Variants in CCDC171 observed in about 807,000 individuals in gnomAD.
CCDC171 encodes coiled-coil domain-containing protein 171.
A neutral mutation model predicts 168.2 loss-of-function variants in CCDC171; 177 were observed. That is an observed-to-expected ratio of 1.05 (90% CI 0.93 to 1.19). The LOEUF (loss-of-function observed/expected upper bound fraction) is 1.19. Ranked by LOEUF, CCDC171 falls within the 50% of genes most tolerant of loss-of-function variation. CCDC171 has a pLI of 0.00. For missense variants in CCDC171, 1,991 were observed against 1,539.0 expected (o/e 1.29, Z -4.91); for synonymous variants, 687 against 540.8 (o/e 1.27, Z -3.75).
intron 24 of CCDC171, 141 bp downstream of exon 24, chr9:15,874,804 T>C (rs923040721): frequency 1.3e-6 from 1 of 789,570 alleles, no homozygotes; most frequent in African/African-American, 1.8e-5. Flanking sequence ...TCTTCTATCA[T>C]GTAACAGTAT....
chr9:15,725,208 A>G (rs1472796186), intron 14 of CCDC171, among the ~76,000 whole-genome samples: 3 of 152,150 alleles, frequency 2.0e-5, no homozygotes, highest in Non-Finnish European at 4.4e-5. Flanking sequence ...GTGTACAACT[A>G]TCTTTTTGGA....
At chr9:15,999,954 C>A (rs1216024008) in intron 3 of CCDC171, among the ~76,000 whole-genome samples, 1 of 152,194 alleles carries the variant, frequency 6.6e-6, no homozygotes, top group Non-Finnish European at 1.5e-5. Context: ...TCCAACTAGC[C>A]ATCCTATGAG....
chr9:15,995,125 A>G (rs1832331253), intron 3 of CCDC171, among the ~76,000 whole-genome samples: 1 of 152,234 alleles, frequency 6.6e-6, no homozygotes, highest in African/African-American at 2.4e-5. Context: ...TGCTGCTAGC[A>G]TGCTATTCAA....
chr9:15,780,214 A>G (rs1323704845), intron 20 of CCDC171, among the ~76,000 whole-genome samples: 1 of 152,070 alleles, frequency 6.6e-6, no homozygotes, highest in African/African-American at 2.4e-5. Context: ...ATCATGAATT[A>G]CTCTTAAGCC....
chr9:15,750,889 C>T (rs1419173766), intron 18 of CCDC171, among the ~76,000 whole-genome samples: 1 of 152,206 alleles, frequency 6.6e-6, no homozygotes, highest in Non-Finnish European at 1.5e-5. Context: ...TGCTCTCTCT[C>T]ACCACTCCTA....
intron 7 of CCDC171, among the ~76,000 whole-genome samples, chr9:15,648,156 A>T (rs1258524750): frequency 6.6e-6 from 1 of 152,250 alleles, no homozygotes; most frequent in Non-Finnish European, 1.5e-5. Context: ...TCACATGATT[A>T]TCTGAATAGA....
intron 1 of CCDC171, among the ~76,000 whole-genome samples, chr9:15,558,992 C>G (rs919063133): frequency 4.6e-5 from 7 of 152,064 alleles, no homozygotes; most frequent in African/African-American, 1.7e-4. Context: ...CGTTATGTAC[C>G]CAGCAGTCAT....
At chr9:15,644,022 A>G in intron 7 of CCDC171, among the ~76,000 whole-genome samples, 1 of 152,200 alleles carries the variant, frequency 6.6e-6, no homozygotes, top group East Asian at 1.9e-4. Context: ...GTTATAAAAA[A>G]TGGTGCTATA....
chr9:15,560,062 C>T lies in CCDC171; in HGVS notation c.-111-3916C>T, dbSNP rs374866421. ...TTTAAGAATGTTGAATATTGGCCCT[C>T]ACTCTCTTCTGGCTTGTAGAGTTTC... On this transcript the variant is annotated intron_variant, in intron 1 of 25. Coordinates refer to ENST00000380701, the MANE Select transcript of CCDC171 (RefSeq NM_173550.4). Among the ~76,000 whole-genome samples the T allele has an allele frequency of 3.3e-5, 5 of 152,282 alleles. No homozygotes were observed. The East Asian group carries it at 7.7e-4, about 23-fold the overall frequency.
At chr9:15,631,521 C>T (rs926593169) in intron 7 of CCDC171, among the ~76,000 whole-genome samples, 1 of 152,110 alleles carries the variant, frequency 6.6e-6, no homozygotes, top group African/African-American at 2.4e-5. Flanking sequence ...GAAATTGTGG[C>T]AATAGTCAAT....
At chr9:16,070,576 G>C in the CCDC171 span, among the ~76,000 whole-genome samples, 1 of 152,166 alleles carries the variant, frequency 6.6e-6, no homozygotes, top group African/African-American at 2.4e-5. Context: ...TGGATGCCAG[G>C]GTGGGTGTGA....
intron 23 of CCDC171, among the ~76,000 whole-genome samples, chr9:15,854,141 T>C (rs9407665): frequency 0.77 from 115,573 of 150,516 alleles, 45,594 homozygotes; most frequent in East Asian, 0.89. Flanking sequence ...GATGCTCCCT[T>C]CTCTTCATTT....
intron 18 of CCDC171, among the ~76,000 whole-genome samples, chr9:15,749,847 C>G (rs1272071621): frequency 1.3e-5 from 2 of 152,138 alleles, no homozygotes; most frequent in Non-Finnish European, 2.9e-5. Flanking sequence ...ATTTATAGTA[C>G]TAAATGCCCA....
At chr9:16,047,801 T>A (rs1463196005) in intron 1 of CCDC171, among the ~76,000 whole-genome samples, 1 of 152,234 alleles carries the variant, frequency 6.6e-6, no homozygotes, top group East Asian at 1.9e-4. Context: ...AAAAGCACTT[T>A]TAAGAGTGCC....
intron 3 of CCDC171, among the ~76,000 whole-genome samples, chr9:16,016,706 T>G (rs1225727407): frequency 6.6e-6 from 1 of 152,210 alleles, no homozygotes; most frequent in Non-Finnish European, 1.5e-5. Context: ...AGGTTGCCAC[T>G]TGGGTCTGCA....
At chr9:15,896,240 T>G (rs1820879078) in intron 24 of CCDC171, among the ~76,000 whole-genome samples, 1 of 151,982 alleles carries the variant, frequency 6.6e-6, no homozygotes, top group Non-Finnish European at 1.5e-5. Flanking sequence ...TTTGGCACAT[T>G]TAAGTTGTAT....
At chr9:15,991,727 T>TA (rs1280957755) in intron 3 of CCDC171, among the ~76,000 whole-genome samples, 2 of 151,852 alleles carry the variant, frequency 1.3e-5, no homozygotes, top group African/African-American at 4.8e-5. Context: ...ATAGATGCAA[T>TA]AAAAAATGAT....
intron 7 of CCDC171, among the ~76,000 whole-genome samples, chr9:15,641,561 G>C (rs1029196610): frequency 2.0e-5 from 3 of 152,122 alleles, no homozygotes; most frequent in African/African-American, 7.2e-5. Flanking sequence ...GGTTAGTTCT[G>C]CTGCTGAATT....
intron 11 of CCDC171, among the ~76,000 whole-genome samples, chr9:15,711,223 T>C (rs1296521254): frequency 1.3e-5 from 2 of 152,218 alleles, no homozygotes; most frequent in East Asian, 3.8e-4. Flanking sequence ...AATTTTACTA[T>C]CCACAGATTG....
Sources: allele counts gnomAD v4.1 joint callset (sites outside exome capture counted in the v4.1 genomes callset), GRCh38; gene constraint gnomAD v4.1.1; transcripts MANE v1.5; gene names NCBI Gene and HGNC (gene_info 2026-07-23, HGNC 2026-07-21).